SYT9: variants seen among roughly 807,000 people sequenced by gnomAD.
SYT9 encodes synaptotagmin 9, also known as synaptotagmin-9.
A neutral mutation model predicts 48.4 loss-of-function variants in SYT9; 22 were observed. That is an observed-to-expected ratio of 0.45 (90% confidence interval 0.32 to 0.65). The LOEUF (loss-of-function observed/expected upper bound fraction) is 0.65, where lower values mean the gene tolerates loss of function less well. SYT9 is among the 30% of genes least tolerant of loss of function. The pLI, the probability that SYT9 is intolerant of heterozygous loss-of-function variation, is 0.03. For missense variants in SYT9, 577 were observed against 622.0 expected, an observed-to-expected ratio of 0.93 and a Z score of 0.77; for synonymous variants, 265 against 245.0, an observed-to-expected ratio of 1.08 and a Z score of -0.76.
At chr11:7,313,130 CTA>C (rs1849170898) in intron 2 of SYT9, among the ~76,000 whole-genome samples, 1 of 152,146 alleles carries the variant, frequency 6.6e-6, no homozygotes, top group African/African-American at 2.4e-5. Flanking sequence ...AGTTTAGGAA[CTA>C]TATTAAACCT....
intron 6 of SYT9, among the ~76,000 whole-genome samples, chr11:7,422,720 C>T (rs1017608636): frequency 2.0e-5 from 3 of 151,878 alleles, no homozygotes; most frequent in African/African-American, 7.3e-5. Flanking sequence ...AGAGGTGAGC[C>T]CTGATTCATG....
chr11:7,304,711 T>C (rs1849002416), intron 2 of SYT9, among the ~76,000 whole-genome samples: 1 of 152,228 alleles, frequency 6.6e-6, no homozygotes, highest in Admixed American at 6.5e-5. Context: ...TGTCTGCCGT[T>C]TGATTTAGAA....
intron 3 of SYT9, among the ~76,000 whole-genome samples, chr11:7,344,664 G>A (rs1191845672): frequency 6.6e-6 from 1 of 152,096 alleles, no homozygotes; most frequent in Non-Finnish European, 1.5e-5. Flanking sequence ...TTGTTGAAAA[G>A]TCTATATTTT....
chr11:7,331,659 A>G (rs1030138363), intron 3 of SYT9, among the ~76,000 whole-genome samples: 1 of 152,120 alleles, frequency 6.6e-6, no homozygotes, highest in Non-Finnish European at 1.5e-5. Context: ...AGGGAGGTCA[A>G]GGCTGCAATG....
intron 3 of SYT9, among the ~76,000 whole-genome samples, chr11:7,361,579 T>C (rs1266308678): frequency 1.3e-5 from 2 of 152,334 alleles, no homozygotes; most frequent in East Asian, 1.9e-4. Flanking sequence ...ATAATCGATA[T>C]TATTATATAT....
intron 3 of SYT9, among the ~76,000 whole-genome samples, chr11:7,367,245 CTAATTTTTTTTTTT>C (rs1564878630): frequency 1.9e-5 from 1 of 51,544 alleles, no homozygotes; most frequent in Admixed American, 2.5e-4. Context: ...CTACGCCCGG[CTAATTTTTTTTTTT>C]TTTTTTGGTA....
chr11:7,409,311 G>A (rs1847087674), intron 3 of SYT9, among the ~76,000 whole-genome samples: 1 of 152,056 alleles, frequency 6.6e-6, no homozygotes, highest in Non-Finnish European at 1.5e-5. Flanking sequence ...CTAGTAGTTT[G>A]TTGAGGATTT....
intron 6 of SYT9, among the ~76,000 whole-genome samples, chr11:7,451,756 T>A (rs1848057147): frequency 6.6e-6 from 1 of 152,128 alleles, no homozygotes; most frequent in Non-Finnish European, 1.5e-5. Flanking sequence ...GGCTGCTATC[T>A]CACCATCAAA....
At chr11:7,439,876 A>G (rs1021833951) in intron 6 of SYT9, 2 of 152,202 alleles carry the variant, frequency 1.3e-5, no homozygotes, top group Admixed American at 1.3e-4. Context: ...AAAGCTGTTT[A>G]TGGGCTGTCC....
chr11:7,293,001 G>A (rs1176176245), intron 1 of SYT9, among the ~76,000 whole-genome samples: 3 of 152,146 alleles, frequency 2.0e-5, no homozygotes, highest in Admixed American at 1.3e-4. Context: ...GGCTCTTAGG[G>A]TATATGGCTC....
At chr11:7,368,596 A>G (rs1850295131) in intron 3 of SYT9, among the ~76,000 whole-genome samples, 1 of 151,974 alleles carries the variant, frequency 6.6e-6, no homozygotes, top group Admixed American at 6.6e-5. Flanking sequence ...ACTCCCAATT[A>G]TGAGTGAGAA....
chr11:7,369,242 TTTC>T (rs1201778769), intron 3 of SYT9, among the ~76,000 whole-genome samples: 1 of 113,580 alleles, frequency 8.8e-6, no homozygotes, highest in Non-Finnish European at 1.9e-5. Context: ...ATGAGCTTTT[TTTC>T]CACATTTATT....
At chr11:7,283,218 G>A (rs1447317337) in intron 1 of SYT9, among the ~76,000 whole-genome samples, 1 of 150,444 alleles carries the variant, frequency 6.6e-6, no homozygotes, top group Non-Finnish European at 1.5e-5. Flanking sequence ...TGTTATATAT[G>A]TTAAGCTGAA....
chr11:7,309,924 C>A (rs1228182535), intron 2 of SYT9, among the ~76,000 whole-genome samples: 1 of 152,142 alleles, frequency 6.6e-6, no homozygotes, highest in East Asian at 1.9e-4. Flanking sequence ...TGAAAGGGAG[C>A]CCCAGGAGTG....
chr11:7,420,784 A>G, intron 6 of SYT9, 149 bp downstream of exon 6: 1 of 941,192 alleles, frequency 1.1e-6, no homozygotes, highest in Non-Finnish European at 1.6e-6. Context: ...TGGGACTTGC[A>G]TTCAATTTGA....
intron 3 of SYT9, among the ~76,000 whole-genome samples, chr11:7,394,230 T>C (rs1312209566): frequency 1.3e-5 from 2 of 152,078 alleles, no homozygotes; most frequent in Non-Finnish European, 2.9e-5. Context: ...TTTGTCCTTG[T>C]GATAGTTTGC....
At chr11:7,408,152 G>C (rs929933057) in intron 3 of SYT9, among the ~76,000 whole-genome samples, 1 of 152,080 alleles carries the variant, frequency 6.6e-6, no homozygotes, top group Non-Finnish European at 1.5e-5. Flanking sequence ...TGTTTGAGAT[G>C]GAGTCTCGCT....
At chr11:7,412,875 C>T (rs12295755) in intron 3 of SYT9, among the ~76,000 whole-genome samples, 4,274 of 152,188 alleles carry the variant, frequency 0.028, 169 homozygotes, top group African/African-American at 0.096. Flanking sequence ...TTGAGTTGCC[C>T]GCACCTCAGA....
chr11:7,397,918 C>A (rs538336786), intron 3 of SYT9, among the ~76,000 whole-genome samples: 7 of 152,086 alleles, frequency 4.6e-5, no homozygotes, highest in African/African-American at 1.7e-4. Context: ...GTAAGCATTG[C>A]ATTGGAAGTT....
Sources: allele counts gnomAD v4.1 joint callset (sites outside exome capture counted in the v4.1 genomes callset), GRCh38; gene constraint gnomAD v4.1.1; transcripts MANE v1.5; gene names NCBI Gene and HGNC (gene_info 2026-07-23, HGNC 2026-07-21).